The following SYTL3 variants were observed in gnomAD, a reference collection of about 807,000 sequenced individuals.
The protein encoded by SYTL3 is synaptotagmin like 3.
In SYTL3, 88 loss-of-function variants were observed where a neutral mutation model predicts 82.1. The observed-to-expected ratio is 1.07, with a 90% CI of 0.90 to 1.28. The LOEUF (loss-of-function observed/expected upper bound fraction) is 1.28, where lower values mean the gene tolerates loss of function less well. SYTL3 is among the 50% of genes most tolerant of loss of function. The probability of loss-of-function intolerance (pLI) is 0.00; values close to 1 mark genes in which losing one functional copy is unlikely to be tolerated. For synonymous variants in SYTL3, 311 were observed against 289.4 expected (o/e 1.07, Z -0.76); for missense variants, 831 against 757.6 (o/e 1.10, Z -1.14).
intron 12 of SYTL3, among the ~76,000 whole-genome samples, chr6:158,748,088 T>TC (rs34343664): frequency 7.3e-6 from 1 of 136,196 alleles, no homozygotes; most frequent in Non-Finnish European, 1.6e-5. Context: ...TTTTTTTTTT[T>TC]CCCCACACTT....
At chr6:158,742,491 A>C (rs894547948) in intron 11 of SYTL3, among the ~76,000 whole-genome samples, 5 of 151,664 alleles carry the variant, frequency 3.3e-5, no homozygotes, top group African/African-American at 1.2e-4. Context: ...AGGTCTGGAT[A>C]TTTACCAAGC....
At chr6:158,699,898 G>T (rs1421098388) in intron 6 of SYTL3, among the ~76,000 whole-genome samples, 4 of 151,966 alleles carry the variant, frequency 2.6e-5, no homozygotes, top group African/African-American at 7.2e-5. Context: ...GGTGAGCTGG[G>T]TTTGGGCCAC....
At chr6:158,727,770 G>T (rs558539370) in intron 11 of SYTL3, among the ~76,000 whole-genome samples, 1 of 139,522 alleles carries the variant, frequency 7.2e-6, no homozygotes, top group Admixed American at 7.5e-5. Context: ...TGTGACCTCC[G>T]CCTCCCAGGT....
At chr6:158,729,653 G>A (rs1785163459) in intron 11 of SYTL3, among the ~76,000 whole-genome samples, 1 of 146,264 alleles carries the variant, frequency 6.8e-6, no homozygotes, top group Non-Finnish European at 1.5e-5. Flanking sequence ...TGCAAGCTCC[G>A]CCTCTCTGGT....
chr6:158,744,106 G>A (rs1051346346), intron 11 of SYTL3, among the ~76,000 whole-genome samples: 1 of 151,070 alleles, frequency 6.6e-6, no homozygotes, highest in East Asian at 2.0e-4. Flanking sequence ...TAGTAGAGAC[G>A]GGGTTTCACC....
At position 158,754,150 on chromosome 6, in the gene SYTL3, T is replaced by G. The variant is rs529929005; in HGVS notation, c.1137+2120T>G. ...CTGTGAGAACTGTCTCCAGCCAGTT[T>G]TGAGAGAAGTGCACATCAAATGCGA... On this transcript the variant is annotated intron_variant, in intron 13 of 17. Transcript: ENST00000611299. Among the ~76,000 whole-genome samples, 10 of 152,272 alleles carry G rather than the reference T, an allele frequency of 6.6e-5. No homozygotes were observed. The South Asian group carries it at 1.9e-3, about 28-fold the overall frequency.
In SYTL3 at chr6:158,652,576, G is replaced by A. The variant is rs113012054; in HGVS notation, c.-637+734G>A. Among the ~76,000 whole-genome samples the A allele has an allele frequency of 6.2e-3, 935 of 149,874 alleles. 7 individuals are homozygous for A. Among genetic ancestry groups the A allele is most frequent in the South Asian group, 0.022 (105 of 4,722 alleles). On this transcript the variant is annotated intron_variant, in intron 2 of 17. Coordinates refer to ENST00000611299, the MANE Select transcript of SYTL3 (RefSeq NM_001242394.2). Reference sequence around the variant, plus strand: ...ATTTATTTTTTTGAGACAGAGTCTCGCTCTGTCACCCAGGCTGGAGTGCAA... The same window carrying A: ...ATTTATTTTTTTGAGACAGAGTCTCACTCTGTCACCCAGGCTGGAGTGCAA...
chr6:158,744,260 TCTGA>T (rs1787306982), intron 11 of SYTL3, among the ~76,000 whole-genome samples: 1 of 151,124 alleles, frequency 6.6e-6, no homozygotes, highest in Non-Finnish European at 1.5e-5. Flanking sequence ...CCCTTGTGGT[TCTGA>T]CTTTCTGCCC....
chr6:158,673,033 A>C (rs538663220), intron 5 of SYTL3, among the ~76,000 whole-genome samples: 1 of 152,048 alleles, frequency 6.6e-6, no homozygotes, highest in South Asian at 2.1e-4. Flanking sequence ...TGGGTTCAAG[A>C]GACCTTCCTG....
chr6:158,646,726 A>G (rs1191821651), upstream of SYTL3, among the ~76,000 whole-genome samples: 1 of 151,918 alleles, frequency 6.6e-6, no homozygotes, highest in Non-Finnish European at 1.5e-5. Context: ...AACTTTATCT[A>G]CCTTTTGAAT....
chr6:158,695,047 G>C (rs2128428690), intron 6 of SYTL3, among the ~76,000 whole-genome samples: 1 of 152,266 alleles, frequency 6.6e-6, no homozygotes, highest in African/African-American at 2.4e-5. Flanking sequence ...ACAACAGCCT[G>C]CAAGCCAAAT....
In SYTL3 at chr6:158,760,783, A is replaced by T. The variant is rs755412997; in HGVS notation, c.1414+38A>T. ...CAGCTCCCTGGACATTGTCTGTGTC[A>T]TTGTCTGCAGAGCCTGGTGCTGCAG... On this transcript the variant is annotated intron_variant, in intron 15 of 17. Coordinates refer to ENST00000611299, the MANE Select transcript of SYTL3 (RefSeq NM_001242394.2). 6.5e-6 allele frequency: 10 copies of T among 1,529,700 alleles called. No individual in the cohort carries two copies. In the African/African-American group the frequency reaches 1.2e-4, roughly 19 times the overall value. 94.8% of individuals were successfully genotyped at this position (1,529,700 alleles called of 1,614,324 possible).
chr6:158,663,986 C>A (rs999832588), intron 4 of SYTL3, among the ~76,000 whole-genome samples: 2 of 152,128 alleles, frequency 1.3e-5, no homozygotes, highest in Non-Finnish European at 2.9e-5. Context: ...TGATATGGGT[C>A]AGCATTTAGA....
intron 2 of SYTL3, among the ~76,000 whole-genome samples, chr6:158,658,183 C>A (rs886649399): frequency 6.6e-6 from 1 of 152,226 alleles, no homozygotes; most frequent in South Asian, 2.1e-4. Flanking sequence ...TGAGCCACCA[C>A]GCCCGGCCCA....
chr6:158,686,180 T>G (rs2128412855), intron 6 of SYTL3, among the ~76,000 whole-genome samples: 1 of 152,288 alleles, frequency 6.6e-6, no homozygotes, highest in South Asian at 2.1e-4. Context: ...AAAAGGGAAT[T>G]AGGAAAGAGG....
At chr6:158,709,847 G>T (rs946330328) in intron 8 of SYTL3, among the ~76,000 whole-genome samples, 18 of 151,744 alleles carry the variant, frequency 1.2e-4, no homozygotes, top group African/African-American at 4.4e-4. Context: ...CAACAGCCTG[G>T]GCAACATAGC....
At chr6:158,676,935 G>A (rs1413451435) in intron 5 of SYTL3, among the ~76,000 whole-genome samples, 1 of 152,086 alleles carries the variant, frequency 6.6e-6, no homozygotes, top group Non-Finnish European at 1.5e-5. Flanking sequence ...TGGAGAAATA[G>A]GAACACTTTT....
chr6:158,761,933 C>T, intron 15 of SYTL3, 143 bp from the exon 16 acceptor site: 1 of 617,942 alleles, frequency 1.6e-6, no homozygotes, highest in Non-Finnish European at 2.9e-6. Context: ...CAGCAGAGCC[C>T]ACTGCACCAC....
At chr6:158,704,403 G>A (rs1196952934) in intron 6 of SYTL3, among the ~76,000 whole-genome samples, 1 of 152,244 alleles carries the variant, frequency 6.6e-6, no homozygotes, top group East Asian at 1.9e-4. Flanking sequence ...GCGCACGCCC[G>A]GTCCGTGCAG....
Sources: allele counts gnomAD v4.1 joint callset (sites outside exome capture counted in the v4.1 genomes callset), GRCh38; gene constraint gnomAD v4.1.1; transcripts MANE v1.5; gene names NCBI Gene and HGNC (gene_info 2026-07-23, HGNC 2026-07-21).